The following CGNL1 variants were observed in gnomAD, a reference collection of about 807,000 sequenced individuals.
CGNL1 encodes cingulin-like protein 1.
A neutral mutation model predicts 141.2 loss-of-function variants in CGNL1; 132 were observed. The observed-to-expected ratio is 0.93, with a 90% confidence interval of 0.81 to 1.08. The LOEUF (loss-of-function observed/expected upper bound fraction) is 1.08. Among genes scored for constraint, CGNL1 ranks in the 50% least tolerant of loss-of-function variants. The pLI, the probability that CGNL1 is intolerant of heterozygous loss-of-function variation, is 0.00. For synonymous variants in CGNL1, 690 were observed against 622.1 expected (o/e 1.11, Z -1.63); for missense variants, 1,870 against 1,588.6 (o/e 1.18, Z -3.01).
At chr15:57,464,230 G>A (rs139844647) in intron 8 of CGNL1, among the ~76,000 whole-genome samples, 4 of 152,188 alleles carry the variant, frequency 2.6e-5, no homozygotes, top group East Asian at 1.9e-4. Flanking sequence ...TTGCTGGAGC[G>A]GTCAGTGGCT....
chr15:57,413,781 G>A (rs1047072821), intron 1 of CGNL1, among the ~76,000 whole-genome samples: 2 of 152,186 alleles, frequency 1.3e-5, no homozygotes, highest in African/African-American at 4.8e-5. Flanking sequence ...ATGTTGCTGG[G>A]TAGATTTTTG....
In CGNL1 at chr15:57,452,503, C is replaced by T. The variant is rs560921587; in HGVS notation, c.2054+214C>T. On this transcript the variant is annotated intron_variant, in intron 6 of 18. Coordinates refer to ENST00000281282, the MANE Select transcript of CGNL1 (RefSeq NM_032866.5). ...TTAGTAATTCTTAACATTCTTTGTG[C>T]ACCTTGAAGTATACGTTACAAAGTT... Among the ~76,000 whole-genome samples the T allele has an allele frequency of 8.5e-4, 129 of 152,270 alleles. 1 individual carries two copies. Among genetic ancestry groups the T allele is most frequent in the Non-Finnish European group, 1.5e-3 (101 of 68,012 alleles).
intron 1 of CGNL1, among the ~76,000 whole-genome samples, chr15:57,401,418 C>T (rs1190389530): frequency 6.6e-6 from 1 of 152,098 alleles, no homozygotes; most frequent in Non-Finnish European, 1.5e-5. Context: ...GTCAGAATTT[C>T]CAAGAATGGG....
Position 57,516,871 on chromosome 15 carries a change from A to C in CGNL1, c.2495A>C (p.Glu832Ala), listed in dbSNP as rs371843527. 1.9e-5 allele frequency: 31 copies of C among 1,614,052 alleles called. No homozygotes were observed. In the Middle Eastern group the frequency reaches 8.3e-4, roughly 43 times the overall value. The change falls in exon 9 of 19, where the codon GAG becomes GCG. Residue 832 changes from glutamate (E) to alanine (A), a missense_variant. Physicochemically the swap from Glu to Ala is moderately radical, Grantham distance 107 (BLOSUM62 -1). Coordinates refer to ENST00000281282, the MANE Select transcript of CGNL1 (RefSeq NM_032866.5). ...GTGAAGCTTCTGCAGGAGGAGAATG[A>C]GAAGCTGCAGGGAAGAAGCGAAGAG... ...MRVKLLQEEN[E>A]KLQGRSEELE...
chr15:57,451,784 A>G (rs2063325368), intron 5 of CGNL1, among the ~76,000 whole-genome samples, 183 bp downstream of exon 5: 1 of 151,850 alleles, frequency 6.6e-6, no homozygotes, highest in Non-Finnish European at 1.5e-5. Context: ...TTTTTTTTTT[A>G]ATGTAACCAA....
intron 1 of CGNL1, among the ~76,000 whole-genome samples, chr15:57,416,081 G>C (rs1229018991): frequency 6.6e-6 from 1 of 152,074 alleles, no homozygotes; most frequent in Non-Finnish European, 1.5e-5. Context: ...ATACAGTTTT[G>C]AGGCCTTCTA....
chr15:57,538,352 C>T (rs2032376762), intron 14 of CGNL1, among the ~76,000 whole-genome samples: 1 of 152,270 alleles, frequency 6.6e-6, no homozygotes, highest in Admixed American at 6.5e-5. Context: ...GTCACAGTAA[C>T]TGTTAAGTTT....
intron 1 of CGNL1, among the ~76,000 whole-genome samples, chr15:57,387,210 T>G (rs570493577): frequency 1.1e-4 from 16 of 152,354 alleles, no homozygotes; most frequent in African/African-American, 3.8e-4. Context: ...CTTTTGCATC[T>G]GGCTTCTTTC....
At chr15:57,540,172 C>T (rs1193133029) in intron 14 of CGNL1, among the ~76,000 whole-genome samples, 6 of 152,112 alleles carry the variant, frequency 3.9e-5, no homozygotes, top group African/African-American at 1.4e-4. Context: ...GGTGGTCTGC[C>T]CCCTTCCGGT....
chr15:57,460,041 G>T (rs2063426321), intron 7 of CGNL1, among the ~76,000 whole-genome samples: 1 of 152,156 alleles, frequency 6.6e-6, no homozygotes, highest in Non-Finnish European at 1.5e-5. Flanking sequence ...AGAGAATAAA[G>T]AATGCAAAGT....
At chr15:57,487,902 C>T (rs1452607568) in intron 8 of CGNL1, among the ~76,000 whole-genome samples, 6 of 152,140 alleles carry the variant, frequency 3.9e-5, no homozygotes, top group Admixed American at 3.9e-4. Context: ...TTTGCATGGA[C>T]GGACGTTTTC....
intron 8 of CGNL1, among the ~76,000 whole-genome samples, chr15:57,498,245 G>GTTTTT (rs56793548): frequency 0.13 from 12,818 of 100,590 alleles, 824 homozygotes; most frequent in South Asian, 0.17. Flanking sequence ...TGGGGAAACA[G>GTTTTT]TTTTTTTTTT....
At chr15:57,383,439 C>T (rs950375280) in intron 1 of CGNL1, among the ~76,000 whole-genome samples, 6 of 151,746 alleles carry the variant, frequency 4.0e-5, no homozygotes, top group Non-Finnish European at 7.4e-5. Context: ...GCTGGGACTA[C>T]AGGCACGTGC....
intron 6 of CGNL1, among the ~76,000 whole-genome samples, chr15:57,453,078 G>C (rs2063340101): frequency 6.6e-6 from 1 of 152,184 alleles, no homozygotes; most frequent in East Asian, 1.9e-4. Flanking sequence ...TAGTAGTTGT[G>C]AGTTTGGTTC....
intron 1 of CGNL1, among the ~76,000 whole-genome samples, chr15:57,386,739 T>C (rs763434624): frequency 6.6e-5 from 10 of 152,188 alleles, no homozygotes; most frequent in Non-Finnish European, 1.3e-4. Flanking sequence ...GGTGCGAGGC[T>C]TCAGCGACTG....
chr15:57,416,746 T>G (rs779868545), intron 1 of CGNL1, among the ~76,000 whole-genome samples: 3 of 152,188 alleles, frequency 2.0e-5, no homozygotes, highest in Non-Finnish European at 4.4e-5. Context: ...CTCTTCATAA[T>G]CCTCTACAGG....
At chr15:57,508,621 C>T (rs755894903) in intron 8 of CGNL1, among the ~76,000 whole-genome samples, 1 of 152,238 alleles carries the variant, frequency 6.6e-6, no homozygotes, top group Non-Finnish European at 1.5e-5. Flanking sequence ...AGCGCACAAG[C>T]GGCCTAACGC....
intron 8 of CGNL1, among the ~76,000 whole-genome samples, chr15:57,488,903 C>A (rs1390204151): frequency 0.011 from 1,647 of 152,238 alleles, 32 homozygotes; most frequent in African/African-American, 0.037. Context: ...AGCTGCTTAC[C>A]ATGTTGCTGC....
chr15:57,402,710 G>C (rs532495930), intron 1 of CGNL1: 3 of 152,372 alleles, frequency 2.0e-5, no homozygotes, highest in African/African-American at 7.2e-5. Context: ...TATAGTAGGT[G>C]CTTGGTAAGT....
Sources: allele counts gnomAD v4.1 joint callset (sites outside exome capture counted in the v4.1 genomes callset), GRCh38; gene constraint gnomAD v4.1.1; transcripts MANE v1.5; gene names NCBI Gene and HGNC (gene_info 2026-07-23, HGNC 2026-07-21).